SYNE2: variants seen among roughly 807,000 people sequenced by gnomAD.
The protein encoded by SYNE2 is nesprin-2.
Under a neutral mutation model 856.3 loss-of-function variants are expected in SYNE2, and 431 were observed. The observed-to-expected ratio is 0.50, with a 90% CI of 0.47 to 0.55. The LOEUF is 0.55. Ranked by LOEUF, SYNE2 falls within the 20% of genes least tolerant of loss-of-function variation. The probability of loss-of-function intolerance (pLI) is 0.00; values close to 1 mark genes in which losing one functional copy is unlikely to be tolerated. For synonymous variants in SYNE2, 2,923 were observed against 2,872.3 expected (o/e 1.02, Z -0.56); for missense variants, 8,129 against 8,023.2 (o/e 1.01, Z -0.50).
chr14:64,143,911 G>A lies in SYNE2; in HGVS notation c.15446G>A (p.Arg5149His), dbSNP rs142206385. The change falls in exon 83 of 116, where the codon CGC (arginine) becomes CAC (histidine). Residue 5149 changes from arginine (R) to histidine (H), a missense_variant. Arg to His is a conservative substitution (Grantham distance 29). Transcript: ENST00000555002. ...GCAGAGCACCTGGGGGAGATGAACC[G>A]CCAGTGGCACCGTGTACATGGAATG... ...EFAEHLGEMN[R>H]QWHRVHGMLN... The A allele has an allele frequency of 2.0e-4, 320 of 1,614,186 alleles. No individual in the cohort carries two copies. The highest frequency in any genetic ancestry group is 4.5e-4 in the Admixed American group (27 of 60,020).
At chr14:63,871,254 G>A (rs561148657) in intron 1 of SYNE2, among the ~76,000 whole-genome samples, 1 of 150,812 alleles carries the variant, frequency 6.6e-6, no homozygotes, top group Admixed American at 6.6e-5. Flanking sequence ...TGCCCAGGCT[G>A]GAGTGCAATG....
chr14:63,784,463 C>T (rs1887438194), intron 1 of SYNE2, among the ~76,000 whole-genome samples: 1 of 151,954 alleles, frequency 6.6e-6, no homozygotes, highest in Non-Finnish European at 1.5e-5. Flanking sequence ...TGCCACTGCG[C>T]TCCAGCCTGG....
chr14:64,104,481 G>T (rs1181348970), intron 64 of SYNE2, among the ~76,000 whole-genome samples: 3 of 129,388 alleles, frequency 2.3e-5, no homozygotes, highest in Non-Finnish European at 4.6e-5. Flanking sequence ...ACAGAGTCTC[G>T]ATCTGTCGCC....
chr14:63,944,278 T>TTATATATATATATATATA lies in SYNE2; in HGVS notation c.408+2148_408+2165dup, dbSNP rs71123818. ...CTCTGATGAACAGCTTTCTGAATTT[T>TTATATATATATATATATA]TATATATATATATATATATATATAT... On this transcript the variant is annotated intron_variant, in intron 6 of 115. Coordinates refer to ENST00000555002, the MANE Select transcript of SYNE2 (RefSeq NM_182914.3). Among the ~76,000 whole-genome samples, 144 of 143,976 alleles carry TTATATATATATATATATA rather than the reference T, an allele frequency of 1.0e-3. 1 individual carries two copies. Among genetic ancestry groups the TTATATATATATATATATA allele is most frequent in the African/African-American group, 3.4e-3 (134 of 39,088 alleles). The allele number at this position is 143,976 out of a possible 152,430, so 94.5% of individuals were successfully genotyped here.
intron 2 of SYNE2, among the ~76,000 whole-genome samples, chr14:63,924,834 G>GTTT (rs1160819887): frequency 2.3e-4 from 13 of 56,454 alleles, no homozygotes; most frequent in East Asian, 4.3e-4. Context: ...CAGCCTTGGT[G>GTTT]TTTTTTTTTT....
chr14:63,836,191 T>G (rs369810799), intron 1 of SYNE2, among the ~76,000 whole-genome samples: 21 of 152,164 alleles, frequency 1.4e-4, no homozygotes, highest in African/African-American at 5.1e-4. Flanking sequence ...CTGGCTAATT[T>G]TTTGGTATTT....
At chr14:64,175,220 G>GT in intron 95 of SYNE2, 82 bp downstream of exon 95, 1 of 1,521,844 alleles carries the variant, frequency 6.6e-7, no homozygotes, top group African/African-American at 1.4e-5. Context: ...AATGGAAATG[G>GT]TTTTAGGAAA....
In SYNE2 at chr14:63,795,621, G is replaced by T. The variant is rs1887892085; in HGVS notation, c.-305+33635G>T. Among the ~76,000 whole-genome samples the T allele has an allele frequency of 7.9e-5, 12 of 152,116 alleles. 1 individual carries two copies. In the South Asian group the frequency reaches 2.5e-3, roughly 32 times the overall value. On this transcript the variant is annotated intron_variant, in intron 1 of 23. Coordinates refer to the SYNE2 transcript ENST00000674003. ...TGCCCAGGGTGGTCTCAAACTCCTG[G>T]ATTACAAAGTAAGTAATCCTCTCAC...
At chr14:64,157,164 A>G (rs2098292951) in intron 85 of SYNE2, among the ~76,000 whole-genome samples, 4 of 152,206 alleles carry the variant, frequency 2.6e-5, no homozygotes. Context: ...ATATTAACAG[A>G]GATACACAGC....
At position 64,000,733 on chromosome 14, in the gene SYNE2, A is replaced by G; in HGVS notation, c.3638+14A>G. On this transcript the variant is annotated intron_variant, in intron 28 of 115. Transcript: ENST00000555002. The stretch of plus-strand genomic sequence containing the variant: ...TCTTAATACCAGGTAAAATTCTGAG[A>G]TCTATTAACTATGAATCTAATAAAC... 6.2e-7 allele frequency: 1 copy of G among 1,606,998 alleles called. No individual in the cohort carries two copies.
chr14:64,214,744 AG>A (rs1468605423), intron 106 of SYNE2, among the ~76,000 whole-genome samples: 1 of 152,158 alleles, frequency 6.6e-6, no homozygotes, highest in African/African-American at 2.4e-5. Flanking sequence ...GAGACTCATC[AG>A]TGATTTTTTT....
chr14:64,127,324 C>T (rs2097957252), intron 73 of SYNE2, among the ~76,000 whole-genome samples: 1 of 151,832 alleles, frequency 6.6e-6, no homozygotes, highest in South Asian at 2.1e-4. Flanking sequence ...CCTGTAATCC[C>T]AGCACTTTGG....
intron 46 of SYNE2, chr14:64,048,899 A>G (rs2097204455): frequency 8.8e-6 from 1 of 113,726 alleles, no homozygotes; most frequent in Non-Finnish European, 1.8e-5. Context: ...ATGGAGCGAG[A>G]TCCTGTCTCT....
chr14:63,913,452 CT>C (rs1343969940), intron 2 of SYNE2, among the ~76,000 whole-genome samples: 1 of 145,202 alleles, frequency 6.9e-6, no homozygotes, highest in Non-Finnish European at 1.5e-5. Flanking sequence ...TTTTCTTTTT[CT>C]TTTTCTTTCT....
chr14:63,814,924 C>T (rs180681337), intron 1 of SYNE2, among the ~76,000 whole-genome samples: 3,824 of 119,678 alleles, frequency 0.032, 141 homozygotes, highest in Non-Finnish European at 0.052. Flanking sequence ...ATATATCTAT[C>T]CATATATCTA....
intron 83 of SYNE2, 47 bp downstream of exon 83, chr14:64,143,995 A>G: frequency 6.2e-7 from 1 of 1,609,498 alleles, no homozygotes; most frequent in Non-Finnish European, 8.5e-7. Flanking sequence ...CCTTTATGAA[A>G]CACACTTTCT....
intron 1 of SYNE2, among the ~76,000 whole-genome samples, chr14:63,807,264 C>T (rs1888396841): frequency 6.6e-6 from 1 of 150,930 alleles, no homozygotes; most frequent in Non-Finnish European, 1.5e-5. Flanking sequence ...ATAGATTGAG[C>T]ACAGGAAGTC....
chr14:63,847,882 C>T (rs1026101070), intron 1 of SYNE2, among the ~76,000 whole-genome samples: 2 of 149,862 alleles, frequency 1.3e-5, no homozygotes, highest in African/African-American at 2.5e-5. Context: ...CACCATGCCC[C>T]GCCTATTTTT....
intron 45 of SYNE2, among the ~76,000 whole-genome samples, chr14:64,035,242 G>C (rs2097077543): frequency 6.6e-6 from 1 of 151,956 alleles, no homozygotes; most frequent in African/African-American, 2.4e-5. Flanking sequence ...GAGTGACCCG[G>C]AACAAAGCCT....
Sources: gnomAD v4.1 joint callset for allele counts (sites outside exome capture counted in the v4.1 genomes callset) on GRCh38, gnomAD v4.1.1 for gene constraint, MANE v1.5 for transcripts, NCBI Gene and HGNC (gene_info 2026-07-23, HGNC 2026-07-21) for gene names.